The following IPO7 variants were observed in gnomAD, a reference collection of about 807,000 sequenced individuals.
The protein encoded by IPO7 is importin 7, also known as importin-7.
In IPO7, 13 loss-of-function variants were observed where a neutral mutation model predicts 136.4. The observed-to-expected ratio is 0.10, with a 90% CI of 0.06 to 0.15. The LOEUF is 0.15. IPO7 is among the 10% of genes least tolerant of loss of function. IPO7 has a pLI of 1.00. For synonymous variants in IPO7, 403 were observed against 404.4 expected (o/e 1.00, Z 0.04); for missense variants, 857 against 1,240.6 (o/e 0.69, Z 4.65).
At chr11:9,403,608 T>C (rs1473090245) in intron 2 of IPO7, 7 of 449,948 alleles carry the variant, frequency 1.6e-5, no homozygotes, top group Admixed American at 4.1e-5. Context: ...TGATGGGGTT[T>C]ATTAAAAGGT....
intron 24 of IPO7, among the ~76,000 whole-genome samples, chr11:9,444,208 G>T (rs988685541): frequency 4.4e-4 from 66 of 151,066 alleles, no homozygotes; most frequent in African/African-American, 1.6e-3. Context: ...AACCTGGGAG[G>T]CAGAGGTTGC....
intron 1 of IPO7, among the ~76,000 whole-genome samples, chr11:9,400,315 T>C (rs1162746463): frequency 6.6e-6 from 1 of 152,234 alleles, no homozygotes; most frequent in Non-Finnish European, 1.5e-5. Flanking sequence ...ATCTTGTTTT[T>C]CTTGACAACA....
intron 4 of IPO7, 136 bp from the exon 5 acceptor site, chr11:9,414,114 GGTTTT>G: frequency 1.8e-6 from 1 of 569,258 alleles, no homozygotes; most frequent in South Asian, 3.0e-5. Context: ...TCCTTTTTAT[GGTTTT>G]GTTCTAGATA....
At chr11:9,436,218 T>C in intron 19 of IPO7, 53 bp from the exon 20 acceptor site, 1 of 1,238,524 alleles carries the variant, frequency 8.1e-7, no homozygotes. Context: ...TTGATTTAGA[T>C]ACCTGATTTA....
intron 2 of IPO7, among the ~76,000 whole-genome samples, chr11:9,406,418 GTGTT>G (rs1302810326): frequency 2.6e-5 from 4 of 151,984 alleles, no homozygotes; most frequent in South Asian, 2.1e-4. Flanking sequence ...AAGAAGTTAA[GTGTT>G]TGACCTTTAG....
intron 1 of IPO7, among the ~76,000 whole-genome samples, chr11:9,399,090 G>T (rs892741673): frequency 4.5e-4 from 68 of 151,914 alleles, no homozygotes; most frequent in African/African-American, 1.6e-3. Flanking sequence ...ATGATTGGGG[G>T]CACAAATAGT....
At chr11:9,405,198 G>C (rs542618988) in intron 2 of IPO7, among the ~76,000 whole-genome samples, 1 of 151,746 alleles carries the variant, frequency 6.6e-6, no homozygotes, top group South Asian at 2.1e-4. Context: ...TTTTTGAGAC[G>C]GAGTCTTGCT....
At chr11:9,387,824 C>T (rs1854572902) in intron 1 of IPO7, among the ~76,000 whole-genome samples, 1 of 142,656 alleles carries the variant, frequency 7.0e-6, no homozygotes, top group Non-Finnish European at 1.5e-5. Flanking sequence ...GAGTGAGACT[C>T]CATCTCAAAA....
At chr11:9,404,969 T>C (rs914675093) in intron 2 of IPO7, among the ~76,000 whole-genome samples, 1 of 152,210 alleles carries the variant, frequency 6.6e-6, no homozygotes, top group Non-Finnish European at 1.5e-5. Context: ...TCTGTTTTGT[T>C]AACAGTATAT....
At chr11:9,412,141 TTAAAG>T (rs1206997162) in intron 4 of IPO7, among the ~76,000 whole-genome samples, 4 of 152,232 alleles carry the variant, frequency 2.6e-5, no homozygotes, top group African/African-American at 7.2e-5. Context: ...TGTTAGCACT[TTAAAG>T]TAATATTTGA....
At position 9,404,042 on chromosome 11, in the gene IPO7, A is replaced by T. The variant is rs867428337; in HGVS notation, c.166+671A>T. Among the ~76,000 whole-genome samples the T allele has an allele frequency of 5.3e-5, 8 of 152,088 alleles. No homozygotes were observed. In the South Asian group the frequency reaches 1.5e-3, roughly 28 times the overall value. On this transcript the variant is annotated intron_variant, in intron 2 of 24. Transcript: ENST00000379719. The stretch of plus-strand genomic sequence containing the variant: ...ACTCCCAGCCTTTTCATTTCTTTTT[A>T]ATTTATTTGCAGATGTAATAATTTT...
chr11:9,445,377 G>A lies in IPO7; in HGVS notation c.*183G>A. ...CTGGCACTGGAAAAGAAATCAGCGG[G>A]ATTTTGGGGGTGGGGGGGGATGGGA... On this transcript the variant is annotated 3_prime_UTR_variant, in exon 25 of 25. Coordinates refer to ENST00000379719, the MANE Select transcript of IPO7 (RefSeq NM_006391.3). 1.4e-5 allele frequency: 2 copies of A among 147,702 alleles called. No homozygotes were observed. The highest frequency in any genetic ancestry group is 1.5e-5 in the Non-Finnish European group (1 of 67,344). 9.1% of individuals were successfully genotyped at this position (147,702 alleles called of 1,614,324 possible).
chr11:9,434,569 G>A (rs1855344175), intron 18 of IPO7, among the ~76,000 whole-genome samples: 1 of 152,106 alleles, frequency 6.6e-6, no homozygotes, highest in African/African-American at 2.4e-5. Context: ...TGGGAAGGTG[G>A]GAAAGCACTT....
intron 12 of IPO7, 33 bp downstream of exon 12, chr11:9,425,295 A>T (rs771513446): frequency 8.2e-7 from 1 of 1,222,600 alleles, no homozygotes. Context: ...GTGCATGACT[A>T]TGCAAGTAGT....
At chr11:9,412,775 T>A (rs1284058536) in intron 4 of IPO7, among the ~76,000 whole-genome samples, 1 of 151,816 alleles carries the variant, frequency 6.6e-6, no homozygotes. Flanking sequence ...GAGGCTTCAG[T>A]GAGCCATGAT....
rs1752058803 is a variant in IPO7 at position 9,435,026 on chromosome 11, A to G, written c.2167A>G (p.Lys723Glu). ...KYLEMIYSMC[K>E]KVLTGVAGED... ...TCTTGAAATGATATACAGTATGTGC[A>G]AAAAGGTAGGTCATTTTTATATATC... Residue 723 changes from lysine to glutamate, a missense_variant, in exon 19 of 25, where the codon AAA becomes GAA. Lys to Glu is a moderately conservative substitution (Grantham distance 56, BLOSUM62 1). Coordinates refer to ENST00000379719, the MANE Select transcript of IPO7 (RefSeq NM_006391.3). 6.3e-7 allele frequency: 1 copy of G among 1,580,422 alleles called. No individual in the cohort carries two copies. The highest frequency in any genetic ancestry group is 8.7e-7 in the Non-Finnish European group (1 of 1,150,812).
intron 1 of IPO7, among the ~76,000 whole-genome samples, chr11:9,390,074 A>C (rs900456644): frequency 6.6e-6 from 1 of 152,118 alleles, no homozygotes; most frequent in Admixed American, 6.6e-5. Flanking sequence ...TATTTTTAGT[A>C]GAGACGGGGT....
Position 9,420,416 on chromosome 11 carries a change from A to G in IPO7, c.732A>G (p.Thr244=). The G allele has an allele frequency of 6.2e-7, 1 of 1,602,960 alleles. No individual in the cohort carries two copies. The highest frequency in any genetic ancestry group is 1.3e-5 in the African/African-American group (1 of 74,768). The change falls in exon 7 of 25, where the codon ACA becomes ACG. Residue 244 remains threonine, a synonymous_variant. Coordinates refer to ENST00000379719, the MANE Select transcript of IPO7 (RefSeq NM_006391.3). ...AAATAAGTGTCTTTTTAAAGGAAACACTTCAAGTTGAAGAAGATGATCGAC... is the reference window on the plus strand; with the variant it reads ...AAATAAGTGTCTTTTTAAAGGAAACGCTTCAAGTTGAAGAAGATGATCGAC... ...TVVNRDVPNE[T]LQVEEDDRPE...
intron 1 of IPO7, among the ~76,000 whole-genome samples, chr11:9,397,815 T>G (rs1854737602): frequency 6.6e-6 from 1 of 152,158 alleles, no homozygotes; most frequent in African/African-American, 2.4e-5. Flanking sequence ...TTGTTATGTC[T>G]TGATATTTGC....
Sources: allele counts gnomAD v4.1 joint callset (sites outside exome capture counted in the v4.1 genomes callset), GRCh38; gene constraint gnomAD v4.1.1; transcripts MANE v1.5; gene names NCBI Gene and HGNC (gene_info 2026-07-23, HGNC 2026-07-21).